PUF60: variants seen among roughly 807,000 people sequenced by gnomAD.
PUF60 encodes the protein poly(U) binding splicing factor 60.
A neutral mutation model predicts 61.8 loss-of-function variants in PUF60; 10 were observed. The ratio of observed to expected loss-of-function variants is 0.16; its 90% CI spans 0.10 to 0.27. The LOEUF is 0.27. Among genes scored for constraint, PUF60 ranks in the 10% least tolerant of loss-of-function variants. PUF60 has a pLI of 1.00. For missense variants in PUF60, 371 were observed against 754.0 expected (o/e 0.49, Z 5.95); for synonymous variants, 353 against 300.9 (o/e 1.17, Z -1.79).
chr8:143,822,258 G>A (rs1000594091), intron 2 of PUF60, among the ~76,000 whole-genome samples: 5 of 152,166 alleles, frequency 3.3e-5, no homozygotes, highest in East Asian at 3.9e-4. Flanking sequence ...TCACATGCCC[G>A]GCAGGAGAGC....
chr8:143,820,544 C>G, intron 5 of PUF60, 122 bp downstream of exon 5: 1 of 1,148,618 alleles, frequency 8.7e-7, no homozygotes, highest in Non-Finnish European at 1.3e-6. Flanking sequence ...CTGCTGCGCT[C>G]GTCCAGAGCT....
chr8:143,819,363 CCT>C (rs369063341), intron 5 of PUF60, among the ~76,000 whole-genome samples: 95 of 152,240 alleles, frequency 6.2e-4, no homozygotes, highest in South Asian at 4.6e-3. Context: ...GGTTCTCGCC[CCT>C]GTCACCTCAC....
intron 1 of PUF60, 114 bp downstream of exon 1, chr8:143,829,166 C>T (rs1422263277): frequency 8.2e-7 from 1 of 1,221,498 alleles, no homozygotes; most frequent in African/African-American, 1.6e-5. Flanking sequence ...AGGGAGTCCG[C>T]GCGGGACCTG....
Position 143,816,676 on chromosome 8 carries a change from A to C in PUF60, c.1524T>G (p.Asp508Glu). ...IYQEKQGEEE[D>E]AEIIVKIFVE... ...CAAAGATCTTGACAATGATTTCTGC[A>C]TCCTCCTCCTCGCCTTGTTTCTCTT... Residue 508 changes from aspartate to glutamate, a missense_variant, in exon 12 of 12, where the codon GAT becomes GAG. Physicochemically the swap from Asp to Glu is conservative, Grantham distance 45 (BLOSUM62 2). Coordinates refer to ENST00000526683, the MANE Select transcript of PUF60 (RefSeq NM_078480.3). 1 of 1,613,848 alleles carries C rather than the reference A, an allele frequency of 6.2e-7. No individual in the cohort carries two copies. Among genetic ancestry groups the C allele is most frequent in the Non-Finnish European group, 8.5e-7 (1 of 1,179,872 alleles).
intron 2 of PUF60, among the ~76,000 whole-genome samples, chr8:143,823,460 T>A (rs1425769248): frequency 6.6e-6 from 1 of 152,206 alleles, no homozygotes; most frequent in Admixed American, 6.5e-5. Flanking sequence ...TTTTTCAATC[T>A]CCTCTTTGTC....
intron 2 of PUF60, chr8:143,822,433 G>A (rs1817127312): frequency 2.2e-6 from 1 of 452,886 alleles, no homozygotes; most frequent in Admixed American, 2.4e-5. Flanking sequence ...CTAATACAAG[G>A]GCCTCTCTCC....
At chr8:143,828,470 G>C (rs932265855) in intron 1 of PUF60, among the ~76,000 whole-genome samples, 1 of 152,232 alleles carries the variant, frequency 6.6e-6, no homozygotes, top group Admixed American at 6.5e-5. Flanking sequence ...GTGTGCATGG[G>C]TGTTCTCCCT....
chr8:143,822,859 C>T (rs949368105), intron 2 of PUF60: 2 of 322,774 alleles, frequency 6.2e-6, no homozygotes, highest in Non-Finnish European at 1.2e-5. Flanking sequence ...AGATCACTGG[C>T]CCACCAACCG....
chr8:143,819,543 G>A (rs889661528), intron 5 of PUF60, among the ~76,000 whole-genome samples: 1 of 152,158 alleles, frequency 6.6e-6, no homozygotes, highest in Non-Finnish European at 1.5e-5. Context: ...CTGGCCTAAT[G>A]CAGGCCGAAC....
Position 143,818,540 on chromosome 8 carries a change from G to T in PUF60, c.349-6C>A. ...CGCTGCCGCTGAGCCGCCATCTGCA[G>T]CAGGACAGAGGGGAGAGAACCGCTG... On this transcript the variant is annotated splice_polypyrimidine_tract_variant and splice_region_variant and intron_variant, in intron 5 of 11. Transcript: ENST00000526683. The surrounding 1 kb of genome is among the most constrained non-coding windows in gnomAD (Gnocchi z 7.9). The T allele has an allele frequency of 6.3e-7, 1 of 1,582,500 alleles. No homozygotes were observed. The highest frequency in any genetic ancestry group is 8.6e-7 in the Non-Finnish European group (1 of 1,165,316).
In PUF60 at chr8:143,816,709, G is replaced by A; in HGVS notation, c.1491C>T (p.Ile497=). The change falls in exon 12 of 12, where the codon ATC becomes ATT. Residue 497 remains isoleucine (I), a synonymous_variant. Transcript: ENST00000526683. ...CGKFGAVNRV[I]IYQEKQGEEE... ...CCTCGCCTTGTTTCTCTTGGTAGAT[G>A]ATGACGCGGTTCACGGCCCCGAACT... 1 of 1,613,858 alleles carries A rather than the reference G, an allele frequency of 6.2e-7. No homozygotes were observed. The highest frequency in any genetic ancestry group is 8.5e-7 in the Non-Finnish European group (1 of 1,179,888).
chr8:143,826,374 T>C (rs1468481880), intron 1 of PUF60, among the ~76,000 whole-genome samples: 2 of 152,136 alleles, frequency 1.3e-5, no homozygotes, highest in Non-Finnish European at 2.9e-5. Flanking sequence ...AAGACCAGCC[T>C]GGACAACACA....
rs1425748680 is a variant in PUF60 at position 143,824,207 on chromosome 8, G to A, written c.111+106C>T. 9 of 1,204,884 alleles carry A rather than the reference G, an allele frequency of 7.5e-6. No individual in the cohort carries two copies. The East Asian group carries it at 1.0e-4, about 14-fold the overall frequency. 74.6% of individuals were successfully genotyped at this position (1,204,884 alleles called of 1,614,324 possible). A position where few individuals can be genotyped will look rare whatever the true frequency, so the allele number is the denominator to read the frequency against. On this transcript the variant is annotated intron_variant, in intron 2 of 11. Transcript: ENST00000526683. ...GAGAAGGGTTCCCGAGGTTCCTCCC[G>A]CCCCGCCCCCAGCCAGCCCTCTCTG...
rs1816274945 is a variant in PUF60, at chr8:143,816,380, A to C, written c.*140T>G. Reference sequence around the variant, plus strand: ...ACCGACGGCAGACACACGGACGTTCAGGGCCAGCAGCATCCGCACCTTTAT... The same window carrying C: ...ACCGACGGCAGACACACGGACGTTCCGGGCCAGCAGCATCCGCACCTTTAT... On this transcript the variant is annotated 3_prime_UTR_variant, in exon 12 of 12. Coordinates refer to ENST00000526683, the MANE Select transcript of PUF60 (RefSeq NM_078480.3). 4 of 955,862 alleles carry C rather than the reference A, an allele frequency of 4.2e-6. No homozygotes were observed. The East Asian group carries it at 1.1e-4, about 25-fold the overall frequency. 59.2% of individuals were successfully genotyped at this position (955,862 alleles called of 1,614,324 possible). A position where few individuals can be genotyped will look rare whatever the true frequency, so the allele number is the denominator to read the frequency against.
At chr8:143,822,931 G>T in intron 2 of PUF60, 3 of 256,252 alleles carry the variant, frequency 1.2e-5, no homozygotes, top group Non-Finnish European at 2.3e-5. Context: ...AGGGTCCCCA[G>T]CACAGAAGTG....
At position 143,816,893 on chromosome 8, in the gene PUF60, C is replaced by G; in HGVS notation, c.1380+17G>C. On this transcript the variant is annotated intron_variant, in intron 11 of 11. Coordinates refer to ENST00000526683, the MANE Select transcript of PUF60 (RefSeq NM_078480.3). ...CCCCTACCCTCTCCCCCGCCACCAC[C>G]CTGCCCCTCTGCCTACCTCCTGCTT... 1 of 1,568,550 alleles carries G rather than the reference C, an allele frequency of 6.4e-7. No homozygotes were observed. Among genetic ancestry groups the G allele is most frequent in the Non-Finnish European group, 8.6e-7 (1 of 1,156,580 alleles).
chr8:143,819,685 C>CA (rs1816794263), intron 5 of PUF60, among the ~76,000 whole-genome samples: 1 of 152,190 alleles, frequency 6.6e-6, no homozygotes, highest in African/African-American at 2.4e-5. Flanking sequence ...GGCCCCCTGA[C>CA]AGACCTCAGG....
chr8:143,817,473 C>T lies in PUF60; in HGVS notation c.1009-7G>A. On this transcript the variant is annotated splice_polypyrimidine_tract_variant and splice_region_variant and intron_variant, in intron 9 of 11. Coordinates refer to ENST00000526683, the MANE Select transcript of PUF60 (RefSeq NM_078480.3). The surrounding 1 kb of genome is among the most constrained non-coding windows in gnomAD (Gnocchi z 7.4). The stretch of plus-strand genomic sequence containing the variant: ...CTGCTCCGGCCACTGCTTCCTGCAA[C>T]CCAAAAGGTCACCGTGCTCAGTCCC... 6.2e-7 allele frequency: 1 copy of T among 1,609,958 alleles called. No individual in the cohort carries two copies. Among genetic ancestry groups the T allele is most frequent in the Admixed American group, 1.7e-5 (1 of 59,650 alleles).
At chr8:143,828,064 C>T (rs1372032571) in intron 1 of PUF60, among the ~76,000 whole-genome samples, 1 of 152,242 alleles carries the variant, frequency 6.6e-6, no homozygotes, top group Non-Finnish European at 1.5e-5. Flanking sequence ...TCACTTACTC[C>T]TGTGGCTTCA....
Sources: allele counts gnomAD v4.1 joint callset (sites outside exome capture counted in the v4.1 genomes callset), GRCh38; gene constraint gnomAD v4.1.1; non-coding constraint Gnocchi (gnomAD v3.1); transcripts MANE v1.5; gene names NCBI Gene and HGNC (gene_info 2026-07-23, HGNC 2026-07-21).